The following SNTB2 variants were observed in gnomAD, a reference collection of about 807,000 sequenced individuals.
SNTB2 encodes syntrophin beta 2, also known as beta-2-syntrophin.
Under a neutral mutation model 46.2 loss-of-function variants are expected in SNTB2, and 34 were observed. That is an observed-to-expected ratio of 0.74 (90% CI 0.56 to 0.98). SNTB2 has a LOEUF of 0.98. Among genes scored for constraint, SNTB2 ranks in the 50% least tolerant of loss-of-function variants. SNTB2 has a pLI of 0.00. For missense variants in SNTB2, 603 were observed against 731.4 expected (o/e 0.82, Z 2.02); for synonymous variants, 290 against 312.6 (o/e 0.93, Z 0.76).
rs192119853 is a variant in SNTB2, at chr16:69,245,928, G to T, written c.794+113G>T. 1,104 of 1,063,518 alleles carry T rather than the reference G, an allele frequency of 1.0e-3. 4 individuals carry two copies. Among genetic ancestry groups the T allele is most frequent in the East Asian group, 9.9e-3 (411 of 41,556 alleles). 65.9% of individuals were successfully genotyped at this position (1,063,518 alleles called of 1,614,324 possible). A position where few individuals can be genotyped will look rare whatever the true frequency, so the allele number is the denominator to read the frequency against. ...TATACAGAGGAAAACATCTGTCTGA[G>T]GTGAGAGATGCATTTTTGGGGTTCC... On this transcript the variant is annotated intron_variant, in intron 2 of 6. Transcript: ENST00000336278.
intron 1 of SNTB2, 139 bp downstream of exon 1, chr16:69,187,885 T>C (rs1473485479): frequency 2.8e-6 from 2 of 718,438 alleles, no homozygotes. Context: ...GAGCTTTCAG[T>C]GTGGAAAAAC....
chr16:69,307,228 C>T lies in SNTB2; in HGVS notation c.*6304C>T, dbSNP rs559959651. 6.6e-6 allele frequency: 1 copy of T among 152,228 alleles called. No individual in the cohort carries two copies. Among genetic ancestry groups the T allele is most frequent in the Non-Finnish European group, 1.5e-5 (1 of 68,046 alleles). The allele number at this position is 152,228 out of a possible 1,614,324, so 9.4% of individuals were successfully genotyped here. ...CATTCAGCAGTTAAGTAATTCATCA[C>T]TTCATATTTTTACCAAAGTATATTT... On this transcript the variant is annotated 3_prime_UTR_variant, in exon 7 of 7. Transcript: ENST00000336278.
chr16:69,299,861 G>C, intron 6 of SNTB2, 87 bp downstream of exon 6: 1 of 1,354,104 alleles, frequency 7.4e-7, no homozygotes, highest in Non-Finnish European at 1.0e-6. Context: ...CAAAGTCATG[G>C]ACTGACATTC....
intron 5 of SNTB2, among the ~76,000 whole-genome samples, chr16:69,298,512 CTTTTTT>C (rs34908270): frequency 0.021 from 1,668 of 78,020 alleles, 30 homozygotes; most frequent in African/African-American, 0.083. Context: ...TTTACCAATT[CTTTTTT>C]TTTTTTTTTT....
At chr16:69,201,931 C>T (rs1370782933) in intron 1 of SNTB2, among the ~76,000 whole-genome samples, 4 of 152,044 alleles carry the variant, frequency 2.6e-5, no homozygotes, top group East Asian at 1.9e-4. Flanking sequence ...TCTGGAGAAA[C>T]GAATGCTGCT....
At chr16:69,252,995 G>A (rs1453207972) in intron 2 of SNTB2, among the ~76,000 whole-genome samples, 1 of 151,500 alleles carries the variant, frequency 6.6e-6, no homozygotes, top group South Asian at 2.1e-4. Context: ...CACCTCCCGG[G>A]TTCACGCCAT....
At chr16:69,259,236 ATTTTTTTTTTTTT>A (rs58387978) in intron 2 of SNTB2, among the ~76,000 whole-genome samples, 2 of 69,136 alleles carry the variant, frequency 2.9e-5, no homozygotes, top group Non-Finnish European at 5.7e-5. Flanking sequence ...GGTCTTTCTG[ATTTTTTTTTTTTT>A]TTTTTTTTTT....
chr16:69,230,355 A>G (rs1343423898), intron 1 of SNTB2: 2 of 151,436 alleles, frequency 1.3e-5, no homozygotes, highest in African/African-American at 2.4e-5. Context: ...TTTATAGTAT[A>G]TGAGTCTTTT....
chr16:69,223,784 A>G (rs987884753), intron 1 of SNTB2, among the ~76,000 whole-genome samples: 2 of 152,090 alleles, frequency 1.3e-5, no homozygotes, highest in African/African-American at 4.8e-5. Flanking sequence ...GCCCGCCACC[A>G]TGCCCGACTA....
intron 1 of SNTB2, among the ~76,000 whole-genome samples, chr16:69,226,116 G>C (rs1281521189): frequency 6.6e-6 from 1 of 152,076 alleles, no homozygotes; most frequent in Non-Finnish European, 1.5e-5. Flanking sequence ...CTGTTGCCCA[G>C]GCTGGAGTGC....
At chr16:69,300,019 G>A (rs192881905) in intron 6 of SNTB2, among the ~76,000 whole-genome samples, 160 of 152,138 alleles carry the variant, frequency 1.1e-3, no homozygotes, top group Non-Finnish European at 1.8e-3. Flanking sequence ...AGCCTCCTGA[G>A]TAACTGGGAC....
At chr16:69,265,660 C>T (rs1049572084) in intron 3 of SNTB2, among the ~76,000 whole-genome samples, 2 of 151,688 alleles carry the variant, frequency 1.3e-5, no homozygotes, top group African/African-American at 2.4e-5. Context: ...AACCCCGTCT[C>T]TACTAAAAAT....
intron 1 of SNTB2, among the ~76,000 whole-genome samples, chr16:69,222,391 G>A (rs1438427442): frequency 1.3e-5 from 2 of 152,002 alleles, no homozygotes; most frequent in African/African-American, 2.4e-5. Flanking sequence ...TCAGGCATTC[G>A]ACATCAGCCT....
intron 5 of SNTB2, among the ~76,000 whole-genome samples, chr16:69,289,619 T>C (rs1363985430): frequency 6.6e-6 from 1 of 152,106 alleles, no homozygotes; most frequent in Non-Finnish European, 1.5e-5. Context: ...CATGTACCCC[T>C]AAGATATATA....
chr16:69,290,509 A>G (rs1191734509), intron 5 of SNTB2, among the ~76,000 whole-genome samples: 2 of 152,182 alleles, frequency 1.3e-5, no homozygotes, highest in East Asian at 1.9e-4. Context: ...AAGGATTTAT[A>G]TTGTTAAAAT....
chr16:69,244,540 G>C (rs1964650706), intron 1 of SNTB2, among the ~76,000 whole-genome samples: 1 of 152,154 alleles, frequency 6.6e-6, no homozygotes, highest in Admixed American at 6.6e-5. Context: ...TCTAGTTTTT[G>C]AAACAAGAAC....
At chr16:69,242,933 A>G (rs1398512800) in intron 1 of SNTB2, among the ~76,000 whole-genome samples, 1 of 151,446 alleles carries the variant, frequency 6.6e-6, no homozygotes, top group African/African-American at 2.4e-5. Flanking sequence ...AGGCAGGAGA[A>G]TGGCGTGAAC....
intron 1 of SNTB2, among the ~76,000 whole-genome samples, chr16:69,234,482 G>A (rs1227126309): frequency 2.0e-5 from 3 of 152,206 alleles, no homozygotes; most frequent in African/African-American, 4.8e-5. Context: ...CCTTTGTTAA[G>A]TGTGGGACTA....
intron 4 of SNTB2, among the ~76,000 whole-genome samples, chr16:69,274,777 A>G (rs1198234063): frequency 6.6e-6 from 1 of 152,156 alleles, no homozygotes; most frequent in African/African-American, 2.4e-5. Context: ...TGGGCAACAT[A>G]GTGAGACCTC....
Sources: allele counts gnomAD v4.1 joint callset (sites outside exome capture counted in the v4.1 genomes callset), GRCh38; gene constraint gnomAD v4.1.1; transcripts MANE v1.5; gene names NCBI Gene and HGNC (gene_info 2026-07-23, HGNC 2026-07-21).